SHANK2: variants seen among roughly 807,000 people sequenced by gnomAD.
SHANK2 encodes the protein SH3 and multiple ankyrin repeat domains 2.
A neutral mutation model predicts 133.7 loss-of-function variants in SHANK2; 43 were observed. The ratio of observed to expected loss-of-function variants is 0.32; its 90% CI spans 0.25 to 0.41. SHANK2 has a LOEUF of 0.41. Among genes scored for constraint, SHANK2 ranks in the 10% least tolerant of loss-of-function variants. SHANK2 has a pLI of 1.00. For synonymous variants in SHANK2, 1,017 were observed against 952.8 expected (o/e 1.07, Z -1.24); for missense variants, 1,994 against 2,235.8 (o/e 0.89, Z 2.18).
At chr11:70,586,749 G>C (rs143739654) in intron 17 of SHANK2, among the ~76,000 whole-genome samples, 10 of 152,194 alleles carry the variant, frequency 6.6e-5, no homozygotes, top group Non-Finnish European at 1.5e-5. Flanking sequence ...AGCACGGCTC[G>C]CAGCTGGAGC....
chr11:71,147,268 G>A lies in SHANK2; in HGVS notation c.59C>T (p.Ser20Phe). 6.4e-7 allele frequency: 1 copy of A among 1,551,038 alleles called. No homozygotes were observed. Among genetic ancestry groups the A allele is most frequent in the African/African-American group, 1.4e-5 (1 of 73,188 alleles). Reference sequence around the variant, plus strand: ...GGAGCTGTCTGACTCCGACCCCACGGAGTAGTCGGAGAAGCTCTGGGCCAT... The same window carrying A: ...GGAGCTGTCTGACTCCGACCCCACGAAGTAGTCGGAGAAGCTCTGGGCCAT... ...DEMAQSFSDYSVGSESDSSKE... is the reference protein window; with the variant it reads ...DEMAQSFSDYFVGSESDSSKE... The change falls in exon 3 of 26, where the codon TCC becomes TTC. Residue 20 changes from serine (S) to phenylalanine (F), a missense_variant. This residue lies in a region of SHANK2 where 653 missense variants were observed against 563.4 expected (regional missense o/e 1.16). Transcript: ENST00000601538.
chr11:71,253,229 GTTA>G (rs1374629782), upstream of SHANK2, among the ~76,000 whole-genome samples: 8 of 152,324 alleles, frequency 5.3e-5, no homozygotes, highest in Non-Finnish European at 1.0e-4. Flanking sequence ...CAGGAATCCT[GTTA>G]TTATCCAGGA....
chr11:70,529,678 G>C (rs2135967715), intron 17 of SHANK2, among the ~76,000 whole-genome samples: 1 of 152,156 alleles, frequency 6.6e-6, no homozygotes, highest in African/African-American at 2.4e-5. Context: ...AGGAAACCCT[G>C]CACTCATAAG....
intron 17 of SHANK2, among the ~76,000 whole-genome samples, chr11:70,506,694 G>A (rs1476313050): frequency 6.6e-6 from 1 of 152,168 alleles, no homozygotes; most frequent in Non-Finnish European, 1.5e-5. Flanking sequence ...CCTGCTTCAT[G>A]GAGGGATGGT....
chr11:71,234,647 T>C (rs1420656816), intron 1 of SHANK2, among the ~76,000 whole-genome samples: 1 of 152,138 alleles, frequency 6.6e-6, no homozygotes, highest in Non-Finnish European at 1.5e-5. Flanking sequence ...AGCAGGGGCC[T>C]GGTCTCTGGA....
intron 9 of SHANK2, among the ~76,000 whole-genome samples, chr11:71,065,724 GGGTGGTAC>G (rs1951045292): frequency 1.4e-5 from 2 of 147,148 alleles, no homozygotes; most frequent in African/African-American, 5.0e-5. Flanking sequence ...GGGAAGTTGG[GGGTGGTAC>G]AGAACTCTCC....
At chr11:70,495,170 A>G (rs969064920) in intron 21 of SHANK2, among the ~76,000 whole-genome samples, 1 of 152,168 alleles carries the variant, frequency 6.6e-6, no homozygotes, top group Non-Finnish European at 1.5e-5. Context: ...CAGGTGCTGC[A>G]TGGCTGCCTC....
At chr11:70,519,207 C>T (rs1043641744) in intron 17 of SHANK2, among the ~76,000 whole-genome samples, 24 of 152,306 alleles carry the variant, frequency 1.6e-4, no homozygotes, top group African/African-American at 5.5e-4. Context: ...CACCCAGCCA[C>T]ACTAATTTTT....
At chr11:70,636,722 T>G (rs996233546) in intron 17 of SHANK2, among the ~76,000 whole-genome samples, 1 of 151,058 alleles carries the variant, frequency 6.6e-6, no homozygotes, top group Admixed American at 6.6e-5. Context: ...TGTGCGAGGA[T>G]GCATGATGTG....
At chr11:70,675,388 C>G (rs1262435627) in intron 15 of SHANK2, among the ~76,000 whole-genome samples, 2 of 152,184 alleles carry the variant, frequency 1.3e-5, no homozygotes, top group African/African-American at 4.8e-5. Flanking sequence ...ATGACGCTCA[C>G]TTTACAGGGG....
intron 15 of SHANK2, among the ~76,000 whole-genome samples, chr11:70,681,471 C>A (rs533250408): frequency 2.6e-5 from 4 of 152,244 alleles, no homozygotes; most frequent in African/African-American, 9.6e-5. Context: ...CCTGGGGTAT[C>A]TCCTCAAAGG....
chr11:70,828,861 C>T (rs1365948560), intron 11 of SHANK2, among the ~76,000 whole-genome samples: 1 of 152,218 alleles, frequency 6.6e-6, no homozygotes, highest in African/African-American at 2.4e-5. Flanking sequence ...CGCTCAACAC[C>T]CCCTCCATCT....
intron 17 of SHANK2, among the ~76,000 whole-genome samples, chr11:70,654,875 C>T (rs1404825331): frequency 6.6e-6 from 1 of 151,442 alleles, no homozygotes; most frequent in African/African-American, 2.4e-5. Context: ...TCAAGCGATT[C>T]TCCTGCCTCA....
At position 71,080,681 on chromosome 11, in the gene SHANK2, AAG is replaced by A. The variant is rs1413296775; in HGVS notation, c.913-5408_913-5407del. ...TAGAGACACCACAGCCCACACAACA[AAG>A]AGTCACATCATTTCGGCTCTCACTG... On this transcript the variant is annotated intron_variant, in intron 8 of 25. Transcript: ENST00000601538. Among the ~76,000 whole-genome samples the A allele has an allele frequency of 3.3e-5, 5 of 152,250 alleles. No homozygotes were observed. The South Asian group carries it at 8.3e-4, about 25-fold the overall frequency.
Position 71,118,877 on chromosome 11 carries a change from G to T in SHANK2, c.363C>A (p.Leu121=), listed in dbSNP as rs370081639. 3.4e-5 allele frequency: 52 copies of T among 1,551,630 alleles called. No individual in the cohort carries two copies. The highest frequency in any genetic ancestry group is 1.7e-4 in the Middle Eastern group (1 of 6,014). Residue 121 remains leucine, a synonymous_variant, in exon 4 of 26, where the codon CTC becomes CTA. Coordinates refer to ENST00000601538, the MANE Select transcript of SHANK2 (RefSeq NM_012309.5). ...CCACGGGCTGTGGGTACTCGCGCAGGAGCCGCTCCTCATCCAGGAACTTGC... is the reference window on the plus strand; with the variant it reads ...CCACGGGCTGTGGGTACTCGCGCAGTAGCCGCTCCTCATCCAGGAACTTGC... The part of the protein sequence containing the change: ...RDGKFLDEER[L]LREYPQPVGE...
intron 9 of SHANK2, among the ~76,000 whole-genome samples, chr11:71,061,613 C>T (rs2135935008): frequency 6.6e-6 from 1 of 152,302 alleles, no homozygotes; most frequent in African/African-American, 2.4e-5. Flanking sequence ...CCAGCAATGC[C>T]CTTTCCCTGG....
In SHANK2 at chr11:70,504,714, A is replaced by G. The variant is rs574988302; in HGVS notation, c.2062-1783T>C. 2.5e-3 allele frequency among the ~76,000 whole-genome samples: 387 copies of G among 152,076 alleles called. 2 individuals are homozygous for G. Among genetic ancestry groups the G allele is most frequent in the African/African-American group, 9.0e-3 (374 of 41,458 alleles). On this transcript the variant is annotated intron_variant, in intron 17 of 25. Coordinates refer to ENST00000601538, the MANE Select transcript of SHANK2 (RefSeq NM_012309.5). ...GTGACTCCTGGGGGCTGTTCCTTTC[A>G]CTGAGGTTCTCAGAATGTAATTAGG...
intron 15 of SHANK2, among the ~76,000 whole-genome samples, chr11:70,685,368 G>A (rs1270824065): frequency 3.9e-5 from 6 of 152,030 alleles, no homozygotes; most frequent in Non-Finnish European, 8.8e-5. Context: ...CAGGCCAGGG[G>A]ACCTGGGACA....
intron 6 of SHANK2, among the ~76,000 whole-genome samples, chr11:71,097,038 C>A (rs777303424): frequency 7.9e-5 from 12 of 152,206 alleles, no homozygotes; most frequent in Non-Finnish European, 1.5e-4. Flanking sequence ...CTGTTCATGG[C>A]TGTGTCTCAC....
Sources: allele counts gnomAD v4.1 joint callset (sites outside exome capture counted in the v4.1 genomes callset), GRCh38; gene constraint gnomAD v4.1.1; regional missense constraint gnomAD v4.1.1; transcripts MANE v1.5; gene names NCBI Gene and HGNC (gene_info 2026-07-23, HGNC 2026-07-21).